Variants in KPNA2 observed in about 807,000 individuals in gnomAD.
KPNA2 encodes importin subunit alpha-1.
KPNA2 carries 20 observed loss-of-function variants against 53.7 expected under a neutral mutation model. That is an observed-to-expected ratio of 0.37 (90% CI 0.26 to 0.54). KPNA2 has a LOEUF of 0.54. Among genes scored for constraint, KPNA2 ranks in the 20% least tolerant of loss-of-function variants. The pLI is 0.83. For synonymous variants in KPNA2, 238 were observed against 227.5 expected (o/e 1.05, Z -0.42); for missense variants, 515 against 640.3 (o/e 0.80, Z 2.11).
intron 3 of KPNA2, among the ~76,000 whole-genome samples, chr17:68,037,825 G>A (rs1370797244): frequency 6.6e-6 from 1 of 151,030 alleles, no homozygotes; most frequent in South Asian, 2.1e-4. Context: ...CCCCGAGATG[G>A]AGTCTTGCTC....
Position 68,042,363 on chromosome 17 carries a change from C to G in KPNA2, c.571+10C>G. ...CTAGGAAACATTGCAGGTACTTGGA[C>G]TTGAAGTTCTTTTGACTGAATGTAT... On this transcript the variant is annotated intron_variant, in intron 5 of 10. Transcript: ENST00000330459. 2 of 1,612,520 alleles carry G rather than the reference C, an allele frequency of 1.2e-6. No homozygotes were observed. Among genetic ancestry groups the G allele is most frequent in the South Asian group, 1.1e-5 (1 of 91,026 alleles).
intron 5 of KPNA2, among the ~76,000 whole-genome samples, 173 bp from the exon 6 acceptor site, chr17:68,042,732 A>C (rs535200012): frequency 1.1e-4 from 17 of 152,028 alleles, no homozygotes; most frequent in Non-Finnish European, 1.9e-4. Context: ...AATACAAAAA[A>C]TTAGCCGGGC....
intron 3 of KPNA2, among the ~76,000 whole-genome samples, chr17:68,037,917 G>C (rs1163359340): frequency 6.6e-6 from 1 of 151,936 alleles, no homozygotes; most frequent in Middle Eastern, 3.4e-3. Flanking sequence ...TCCTGCCACA[G>C]CCTCCTGAGT....
chr17:68,042,673 G>C (rs2071274272), intron 5 of KPNA2, among the ~76,000 whole-genome samples: 1 of 151,992 alleles, frequency 6.6e-6, no homozygotes, highest in African/African-American at 2.4e-5. Flanking sequence ...ATGAGGTCAG[G>C]AGATTGAGAC....
At position 68,039,941 on chromosome 17, in the gene KPNA2, A is replaced by C. The variant is rs189428692; in HGVS notation, c.214-737A>C. On this transcript the variant is annotated intron_variant, in intron 3 of 10. Transcript: ENST00000330459. Reference sequence around the variant, plus strand: ...TACAAAAAAAAAAAATTAGCCAGGCATGGTGGCGCATGCCTATAATCTCAG... The same window carrying C: ...TACAAAAAAAAAAAATTAGCCAGGCCTGGTGGCGCATGCCTATAATCTCAG... Among the ~76,000 whole-genome samples, 1,473 of 151,418 alleles carry C rather than the reference A, an allele frequency of 9.7e-3. 23 individuals are homozygous for C. Among genetic ancestry groups the C allele is most frequent in the African/African-American group, 0.033 (1,379 of 41,264 alleles).
rs781797273 is a variant in KPNA2, at chr17:68,037,484, C to G, written c.202C>G (p.Arg68Gly). Residue 68 changes from arginine (R) to glycine (G), a missense_variant, in exon 3 of 11, where the codon CGC (arginine) becomes GGC (glycine). Arg to Gly is a moderately radical substitution (Grantham distance 125). Coordinates refer to ENST00000330459, the MANE Select transcript of KPNA2 (RefSeq NM_002266.4). Reference sequence around the variant, plus strand: ...TGCTACTTCTCCGCTGCAGGAAAACCGCAACAACCAGGTAAAAAATGTATT... The same window carrying G: ...TGCTACTTCTCCGCTGCAGGAAAACGGCAACAACCAGGTAAAAAATGTATT... The part of the protein sequence containing the change: ...DDATSPLQEN[R>G]NNQGTVNWSV... 1.2e-6 allele frequency: 2 copies of G among 1,612,064 alleles called. No individual in the cohort carries two copies. The highest frequency in any genetic ancestry group is 1.7e-6 in the Non-Finnish European group (2 of 1,179,366).
In KPNA2 at chr17:68,042,327, C is replaced by T. The variant is rs1555704668; in HGVS notation, c.545C>T (p.Ala182Val). 6.2e-7 allele frequency: 1 copy of T among 1,614,174 alleles called. No individual in the cohort carries two copies. Among genetic ancestry groups the T allele is most frequent in the South Asian group, 1.1e-5 (1 of 91,082 alleles). ...CCCCATGCTCACATCAGTGAACAAG[C>T]TGTCTGGGCTCTAGGAAACATTGCA... ...ASPHAHISEQ[A>V]VWALGNIAGD... Residue 182 changes from alanine to valine, a missense_variant, in exon 5 of 11, where the codon GCT (alanine) becomes GTT (valine). By Grantham distance (64) the Ala-to-Val change is moderately conservative. Transcript: ENST00000330459.
At chr17:68,036,410 C>A (rs1316476303) in intron 1 of KPNA2, 1 of 152,270 alleles carries the variant, frequency 6.6e-6, no homozygotes, top group African/African-American at 2.4e-5. Context: ...TGCGGCACTG[C>A]ATTTTTAATG....
intron 3 of KPNA2, among the ~76,000 whole-genome samples, chr17:68,038,107 G>A (rs560473453): frequency 6.6e-6 from 1 of 152,304 alleles, no homozygotes; most frequent in East Asian, 1.9e-4. Flanking sequence ...CTCCTAAGTA[G>A]CTGGGACTAC....
chr17:68,036,922 C>T (rs1274193642), intron 1 of KPNA2, 188 bp from the exon 2 acceptor site: 2 of 502,998 alleles, frequency 4.0e-6, no homozygotes, highest in Admixed American at 4.0e-5. Flanking sequence ...AAGTCTCAGC[C>T]CTTTAGAGGG....
chr17:68,042,270 C>G lies in KPNA2; in HGVS notation c.488C>G (p.Ala163Gly). 1 of 1,614,002 alleles carries G rather than the reference C, an allele frequency of 6.2e-7. No individual in the cohort carries two copies. Among genetic ancestry groups the G allele is most frequent in the Non-Finnish European group, 8.5e-7 (1 of 1,179,922 alleles). ...ACCAAGGCTGTGGTAGATGGAGGTG[C>G]CATCCCAGCATTCATTTCTCTGTTG... Reference protein sequence around the residue: ...EQTKAVVDGGAIPAFISLLAS... With the variant: ...EQTKAVVDGGGIPAFISLLAS... The change falls in exon 5 of 11, where the codon GCC becomes GGC. Residue 163 changes from alanine (A) to glycine (G), a missense_variant. Ala to Gly is a moderately conservative substitution (Grantham distance 60). Coordinates refer to ENST00000330459, the MANE Select transcript of KPNA2 (RefSeq NM_002266.4).
At chr17:68,041,808 A>G (rs1276084967) in intron 4 of KPNA2, among the ~76,000 whole-genome samples, 2 of 152,208 alleles carry the variant, frequency 1.3e-5, no homozygotes, top group African/African-American at 4.8e-5. Flanking sequence ...GTTTTTTTAA[A>G]AAGTGACAAG....
At chr17:68,038,897 C>A (rs1251750193) in intron 3 of KPNA2, among the ~76,000 whole-genome samples, 1 of 151,894 alleles carries the variant, frequency 6.6e-6, no homozygotes, top group Non-Finnish European at 1.5e-5. Flanking sequence ...GGCCTTTAGT[C>A]CTAGGTATTC....
At position 68,043,797 on chromosome 17, in the gene KPNA2, G is replaced by A. The variant is rs577977250; in HGVS notation, c.931-41G>A. On this transcript the variant is annotated intron_variant, in intron 7 of 10. Transcript: ENST00000330459. ...AGGGTATAGAATTTCTAAAGTGCTG[G>A]GGAAAAAATAACCAGCATCAACATA... 4 of 1,291,338 alleles carry A rather than the reference G, an allele frequency of 3.1e-6. No homozygotes were observed. In the South Asian group the frequency reaches 4.8e-5, roughly 16 times the overall value. 80.0% of individuals were successfully genotyped at this position (1,291,338 alleles called of 1,614,324 possible).
intron 1 of KPNA2, 74 bp downstream of exon 1, chr17:68,035,914 G>C (rs1453489773): frequency 6.6e-6 from 1 of 152,322 alleles, no homozygotes; most frequent in Non-Finnish European, 1.5e-5. Flanking sequence ...TTTGGGTTGG[G>C]GGAGGGAGGC....
At chr17:68,041,444 A>T (rs1384620361) in intron 4 of KPNA2, among the ~76,000 whole-genome samples, 15 of 152,136 alleles carry the variant, frequency 9.9e-5, no homozygotes, top group African/African-American at 3.6e-4. Flanking sequence ...CTGTAATCTC[A>T]CGTGTTTGGG....
intron 2 of KPNA2, 73 bp from the exon 3 acceptor site, chr17:68,037,285 T>C: frequency 7.0e-7 from 1 of 1,431,832 alleles, no homozygotes. Context: ...CTGAGGTATT[T>C]AAAAAAAAAA....
chr17:68,037,072 T>C, intron 1 of KPNA2, 38 bp from the exon 2 acceptor site: 1 of 1,326,994 alleles, frequency 7.5e-7, no homozygotes, highest in Non-Finnish European at 1.1e-6. Flanking sequence ...CAAAGGAAAA[T>C]GATAAAGGAA....
chr17:68,045,888 G>T lies in KPNA2; in HGVS notation c.1464G>T (p.Ser488=). The T allele has an allele frequency of 6.3e-7, 1 of 1,595,178 alleles. No individual in the cohort carries two copies. Among genetic ancestry groups the T allele is most frequent in the Non-Finnish European group, 8.5e-7 (1 of 1,170,248 alleles). The change falls in exon 10 of 11, where the codon TCG becomes TCT. Residue 488 remains serine, a synonymous_variant. Transcript: ENST00000330459. ...AAAATGAGTCTGTGTATAAGGCTTCGTTAAGCTTAATTGAGAAGTATTTCT... is the reference window on the plus strand; with the variant it reads ...AAAATGAGTCTGTGTATAAGGCTTCTTTAAGCTTAATTGAGAAGTATTTCT... ...NHENESVYKA[S]LSLIEKYFSV... is the part of the protein sequence containing the mutation.
Sources: gnomAD v4.1 joint callset for allele counts (sites outside exome capture counted in the v4.1 genomes callset) on GRCh38, gnomAD v4.1.1 for gene constraint, MANE v1.5 for transcripts, NCBI Gene and HGNC (gene_info 2026-07-23, HGNC 2026-07-21) for gene names.